Variants in RBMS3 observed in about 807,000 individuals in gnomAD.
The protein encoded by RBMS3 is RNA binding motif single stranded interacting protein 3.
In RBMS3, 27 loss-of-function variants were observed where a neutral mutation model predicts 66.8. The observed-to-expected ratio is 0.40, with a 90% CI of 0.30 to 0.56. The LOEUF is 0.56. RBMS3 is among the 20% of genes least tolerant of loss of function. The pLI is 0.40. For missense variants in RBMS3, 513 were observed against 549.5 expected, an observed-to-expected ratio of 0.93 and a Z score of 0.66; for synonymous variants, 188 against 183.0, an observed-to-expected ratio of 1.03 and a Z score of -0.22.
Position 30,004,073 on chromosome 3 carries a change from G to C in RBMS3, c.*211G>C. 2.7e-6 allele frequency: 1 copy of C among 374,328 alleles called. No homozygotes were observed. Among genetic ancestry groups the C allele is most frequent in the Non-Finnish European group, 4.7e-6 (1 of 213,016 alleles). 23.2% of individuals were successfully genotyped at this position (374,328 alleles called of 1,614,324 possible). ...TCATGTGGTCTGACAATTTATTTTT[G>C]CCATCATTTTTTTAATTAAAGAAAA... On this transcript the variant is annotated 3_prime_UTR_variant, in exon 15 of 15. Coordinates refer to ENST00000383767, the MANE Select transcript of RBMS3 (RefSeq NM_001003793.3).
chr3:29,555,557 C>T (rs1411148007), intron 3 of RBMS3, among the ~76,000 whole-genome samples: 1 of 152,102 alleles, frequency 6.6e-6, no homozygotes, highest in African/African-American at 2.4e-5. Flanking sequence ...TTTATTGAAA[C>T]ATTTCTACTT....
chr3:29,645,788 A>G (rs2049899127), intron 4 of RBMS3, among the ~76,000 whole-genome samples: 4 of 152,230 alleles, frequency 2.6e-5, no homozygotes, highest in Admixed American at 2.6e-4. Context: ...GATGTCATAC[A>G]TCCCATATTG....
At chr3:29,526,850 C>G (rs1034065414) in intron 3 of RBMS3, among the ~76,000 whole-genome samples, 4 of 150,864 alleles carry the variant, frequency 2.7e-5, no homozygotes, top group Admixed American at 6.6e-5. Flanking sequence ...TCTCTCATGT[C>G]TCTTTCATTG....
chr3:29,581,825 G>C (rs899506591), intron 3 of RBMS3, among the ~76,000 whole-genome samples: 2 of 152,078 alleles, frequency 1.3e-5, no homozygotes, highest in Non-Finnish European at 2.9e-5. Flanking sequence ...GCTCACTGTT[G>C]ATGGCCCTGC....
intron 14 of RBMS3, among the ~76,000 whole-genome samples, chr3:29,997,146 G>T (rs553639695): frequency 1.3e-5 from 2 of 151,748 alleles, no homozygotes; most frequent in African/African-American, 4.8e-5. Flanking sequence ...ACACCTCTAC[G>T]CAAATAAACT....
chr3:29,645,520 A>T (rs1249483930), intron 4 of RBMS3, among the ~76,000 whole-genome samples: 1 of 152,224 alleles, frequency 6.6e-6, no homozygotes. Flanking sequence ...AAAGAGTGCT[A>T]TCAACTTCAA....
At position 29,991,213 on chromosome 3, in the gene RBMS3, AGTCTGGGCTGT is replaced by A; in HGVS notation, c.1307+6_1307+16del. 1.9e-6 allele frequency: 3 copies of A among 1,614,142 alleles called. No homozygotes were observed. The highest frequency in any genetic ancestry group is 2.5e-6 in the Non-Finnish European group (3 of 1,180,010). Reference sequence around the variant, plus strand: ...CATATTCTTACCAACAGTCTAAGTAAGTCTGGGCTGTGCTAAGCTCTTTTCCTCAAGATCAG... The same window carrying A: ...CATATTCTTACCAACAGTCTAAGTAAGCTAAGCTCTTTTCCTCAAGATCAG... On this transcript the variant is annotated splice_donor_5th_base_variant and intron_variant, in intron 14 of 14. Transcript: ENST00000383767.
At chr3:29,889,824 T>G (rs193224014) in intron 8 of RBMS3, among the ~76,000 whole-genome samples, 15 of 151,758 alleles carry the variant, frequency 9.9e-5, no homozygotes, top group Admixed American at 7.2e-4. Flanking sequence ...ATGTGACAGA[T>G]GACATCTGCT....
intron 1 of RBMS3, among the ~76,000 whole-genome samples, chr3:29,395,721 A>G (rs2039516691): frequency 6.6e-6 from 1 of 152,190 alleles, no homozygotes; most frequent in African/African-American, 2.4e-5. Flanking sequence ...AAACAAAGAC[A>G]TGTTTTAAAC....
intron 2 of RBMS3, among the ~76,000 whole-genome samples, chr3:29,461,238 A>G (rs1245867019): frequency 1.3e-5 from 2 of 152,182 alleles, no homozygotes; most frequent in Admixed American, 6.5e-5. Context: ...ATATGCTTAC[A>G]GTTTTGAGGG....
chr3:29,654,762 GCGT>G (rs796777796), intron 4 of RBMS3, among the ~76,000 whole-genome samples: 5 of 133,218 alleles, frequency 3.8e-5, no homozygotes, highest in African/African-American at 1.5e-4. Context: ...GTTAATTTTT[GCGT>G]TTTTTTTTTT....
At chr3:29,768,018 C>T (rs2056008894) in intron 6 of RBMS3, among the ~76,000 whole-genome samples, 2 of 151,916 alleles carry the variant, frequency 1.3e-5, no homozygotes, top group Non-Finnish European at 2.9e-5. Flanking sequence ...TTGCTTCTCT[C>T]CAAATGTTTT....
chr3:29,324,624 G>A (rs1220402146), intron 1 of RBMS3, among the ~76,000 whole-genome samples: 1 of 146,632 alleles, frequency 6.8e-6, no homozygotes, highest in Admixed American at 6.6e-5. Context: ...TCCCAGCATT[G>A]TAGAGCTCCA....
intron 1 of RBMS3, among the ~76,000 whole-genome samples, chr3:29,302,464 T>G (rs1311772620): frequency 6.6e-6 from 1 of 152,050 alleles, no homozygotes; most frequent in African/African-American, 2.4e-5. Flanking sequence ...TTTCATCATG[T>G]GATTGGAAAG....
chr3:29,517,613 G>A (rs1012904092), intron 3 of RBMS3, among the ~76,000 whole-genome samples: 1 of 152,110 alleles, frequency 6.6e-6, no homozygotes, highest in Non-Finnish European at 1.5e-5. Flanking sequence ...GTGAGCCACC[G>A]CGCCCGGCCC....
intron 2 of RBMS3, among the ~76,000 whole-genome samples, chr3:29,484,092 AAAGAGCTTGAAGGTCTTAGGT>A (rs2043237095): frequency 6.6e-6 from 1 of 152,212 alleles, no homozygotes; most frequent in Admixed American, 6.5e-5. Flanking sequence ...GTTAGATGAG[AAAGAGCTTGAAGGTCTTAGGT>A]AAGAGCTTGG....
chr3:29,725,909 A>C (rs1326421780), intron 4 of RBMS3, among the ~76,000 whole-genome samples: 1 of 152,286 alleles, frequency 6.6e-6, no homozygotes, highest in African/African-American at 2.4e-5. Context: ...ACAACAAAAA[A>C]GAAAATTTCA....
chr3:29,523,932 C>G (rs1037583579), intron 3 of RBMS3, among the ~76,000 whole-genome samples: 1 of 151,768 alleles, frequency 6.6e-6, no homozygotes. Flanking sequence ...AGATGAGGTC[C>G]CCGTATGTTG....
At chr3:29,997,769 C>T (rs1262387793) in intron 14 of RBMS3, among the ~76,000 whole-genome samples, 1 of 152,036 alleles carries the variant, frequency 6.6e-6, no homozygotes, top group Non-Finnish European at 1.5e-5. Flanking sequence ...GGACGTATTT[C>T]AAAATAATAA....
Sources: gnomAD v4.1 joint callset for allele counts (sites outside exome capture counted in the v4.1 genomes callset) on GRCh38, gnomAD v4.1.1 for gene constraint, MANE v1.5 for transcripts, NCBI Gene and HGNC (gene_info 2026-07-23, HGNC 2026-07-21) for gene names.